SH3BGRL: variants seen among roughly 807,000 people sequenced by gnomAD.
SH3BGRL encodes SH3 domain binding glutamate rich protein like, also known as adapter SH3BGRL.
Under a neutral mutation model 9.8 loss-of-function variants are expected in SH3BGRL, and 7 were observed. The ratio of observed to expected loss-of-function variants is 0.72; its 90% CI spans 0.41 to 1.35. The LOEUF is 1.35. SH3BGRL is among the 40% of genes most tolerant of loss of function. The probability of loss-of-function intolerance (pLI) is 0.01; values close to 1 mark genes in which losing one functional copy is unlikely to be tolerated. For synonymous variants in SH3BGRL, 36 were observed against 29.1 expected, an observed-to-expected ratio of 1.24 and a Z score of -0.76; for missense variants, 73 against 84.4, an observed-to-expected ratio of 0.86 and a Z score of 0.53.
At chrX:81,207,616 T>C (rs2075551316) in intron 1 of SH3BGRL, among the ~76,000 whole-genome samples, 1 of 112,409 alleles carries the variant, frequency 8.9e-6, no homozygotes, top group East Asian at 2.8e-4. Flanking sequence ...TTGTCATATC[T>C]TCCAAAGTTT....
chrX:81,206,227 C>T (rs931300336), intron 1 of SH3BGRL, among the ~76,000 whole-genome samples: 1 of 110,548 alleles, frequency 9.0e-6, no homozygotes, highest in Non-Finnish European at 1.9e-5. Context: ...TAATATAGTT[C>T]CATTTGTCTA....
intron 3 of SH3BGRL, among the ~76,000 whole-genome samples, chrX:81,288,248 T>TA (rs1251120813): frequency 8.9e-6 from 1 of 111,927 alleles, no homozygotes; most frequent in Non-Finnish European, 1.9e-5. Flanking sequence ...TCTTTTAAGA[T>TA]AAAAGCCATC....
intron 1 of SH3BGRL, among the ~76,000 whole-genome samples, chrX:81,268,758 G>T (rs939684417): frequency 1.8e-5 from 2 of 111,477 alleles, no homozygotes; most frequent in Non-Finnish European, 3.8e-5. Context: ...CTGAGTTCAA[G>T]TCCTGGATAT....
chrX:81,202,724 AGT>A (rs1338779106), intron 1 of SH3BGRL: 1 of 189,224 alleles, frequency 5.3e-6, no homozygotes, highest in Non-Finnish European at 8.1e-6. Context: ...ATTCTGGGTG[AGT>A]GAGACCCTGG....
intron 1 of SH3BGRL, among the ~76,000 whole-genome samples, chrX:81,224,831 C>T (rs1207470793): frequency 9.0e-6 from 1 of 110,785 alleles, no homozygotes; most frequent in Non-Finnish European, 1.9e-5. Context: ...TTGTTTTTGT[C>T]AATAGTCTTT....
intron 1 of SH3BGRL, among the ~76,000 whole-genome samples, chrX:81,249,050 A>G (rs1023705946): frequency 1.8e-5 from 2 of 112,202 alleles, no homozygotes; most frequent in Middle Eastern, 9.2e-3. Flanking sequence ...GAGTTTATCT[A>G]TATGCACTAT....
intron 3 of SH3BGRL, 61 bp from the exon 4 acceptor site, chrX:81,297,134 A>G (rs2075877862): frequency 5.9e-6 from 6 of 1,015,131 alleles, no homozygotes; most frequent in African/African-American, 1.8e-5. Flanking sequence ...TGACTAAAAT[A>G]CACATGGGTG....
intron 1 of SH3BGRL, among the ~76,000 whole-genome samples, chrX:81,225,784 T>G (rs2075614880): frequency 9.0e-6 from 1 of 111,568 alleles, no homozygotes; most frequent in Non-Finnish European, 1.9e-5. Flanking sequence ...ACCAATATTA[T>G]GGGTCACTAC....
intron 1 of SH3BGRL, among the ~76,000 whole-genome samples, chrX:81,233,124 A>G (rs2075637914): frequency 9.0e-6 from 1 of 111,700 alleles, no homozygotes; most frequent in South Asian, 3.7e-4. Flanking sequence ...CTTCTATAAT[A>G]GTAGTTGAAT....
intron 3 of SH3BGRL, among the ~76,000 whole-genome samples, chrX:81,280,574 A>G: frequency 9.0e-6 from 1 of 111,598 alleles, no homozygotes. Flanking sequence ...AGAGACAACA[A>G]TCACTGCAGT....
intron 1 of SH3BGRL, among the ~76,000 whole-genome samples, chrX:81,223,410 G>C (rs1327681959): frequency 9.0e-6 from 1 of 111,367 alleles, no homozygotes; most frequent in Non-Finnish European, 1.9e-5. Flanking sequence ...AATACATGGA[G>C]AGCCAGTAGT....
intron 3 of SH3BGRL, among the ~76,000 whole-genome samples, chrX:81,288,618 C>T (rs2075845784): frequency 8.9e-6 from 1 of 111,993 alleles, no homozygotes; most frequent in African/African-American, 3.2e-5. Context: ...CATACAAAGT[C>T]AGTAGCATTT....
In SH3BGRL at chrX:81,202,613, C is replaced by T. The variant is rs748723277; in HGVS notation, c.45+368C>T. The T allele has an allele frequency of 3.9e-6, 3 of 759,717 alleles. No homozygotes were observed. In the Admixed American group the frequency reaches 2.4e-4, roughly 60 times the overall value. 62.6% of individuals were successfully genotyped at this position (759,717 alleles called of 1,213,427 possible). ...GAGTGAGACATTTGATGAATACGCC[C>T]TAAGTACTGAGACAAGGAGGAGTGC... On this transcript the variant is annotated intron_variant, in intron 1 of 3. Transcript: ENST00000373212.
At position 81,239,733 on chromosome X, in the gene SH3BGRL, C is replaced by T. The variant is rs1363783162; in HGVS notation, c.46-37251C>T. On this transcript the variant is annotated intron_variant, in intron 1 of 3. Coordinates refer to ENST00000373212, the MANE Select transcript of SH3BGRL (RefSeq NM_003022.3). ...TGCCTCAAGGCATTTAATAATCAAA[C>T]TTCCAAAGATCAAGGATAAAGAAAG... Among the ~76,000 whole-genome samples the T allele has an allele frequency of 6.2e-5, 7 of 112,144 alleles. No homozygotes were observed. In the Admixed American group the frequency reaches 6.6e-4, roughly 11 times the overall value.
At chrX:81,288,236 C>T (rs1181216713) in intron 3 of SH3BGRL, among the ~76,000 whole-genome samples, 2 of 111,831 alleles carry the variant, frequency 1.8e-5, no homozygotes, top group Non-Finnish European at 3.8e-5. Flanking sequence ...TATAATTCAA[C>T]GTCTTTTAAG....
intron 1 of SH3BGRL, among the ~76,000 whole-genome samples, chrX:81,227,495 G>A (rs765461524): frequency 1.8e-5 from 2 of 111,609 alleles, no homozygotes; most frequent in African/African-American, 3.3e-5. Context: ...AAGTCTGTGC[G>A]AAGAATGTGC....
At chrX:81,246,542 A>T (rs753199128) in intron 1 of SH3BGRL, among the ~76,000 whole-genome samples, 1 of 112,008 alleles carries the variant, frequency 8.9e-6, no homozygotes, top group Non-Finnish European at 1.9e-5. Context: ...CAGTTATCCC[A>T]GAAACATTTA....
At chrX:81,211,497 G>A (rs2075563638) in intron 1 of SH3BGRL, among the ~76,000 whole-genome samples, 1 of 110,810 alleles carries the variant, frequency 9.0e-6, no homozygotes, top group Middle Eastern at 4.7e-3. Context: ...TGAGGCAGGA[G>A]AATGGTGTGA....
chrX:81,228,714 C>T (rs777935210), intron 1 of SH3BGRL, among the ~76,000 whole-genome samples: 1 of 111,357 alleles, frequency 9.0e-6, no homozygotes, highest in Non-Finnish European at 1.9e-5. Flanking sequence ...TATTTTTGGT[C>T]TACAGTATAT....
Sources: allele counts gnomAD v4.1 joint callset (sites outside exome capture counted in the v4.1 genomes callset), GRCh38; gene constraint gnomAD v4.1.1; transcripts MANE v1.5; gene names NCBI Gene and HGNC (gene_info 2026-07-23, HGNC 2026-07-21).